Variants in TTC28 observed in about 807,000 individuals in gnomAD.
TTC28 encodes tetratricopeptide repeat protein 28.
TTC28 carries 61 observed loss-of-function variants against 198.0 expected under a neutral mutation model. The ratio of observed to expected loss-of-function variants is 0.31; its 90% CI spans 0.25 to 0.38. TTC28 has a LOEUF of 0.38. Ranked by LOEUF, TTC28 falls within the 10% of genes least tolerant of loss-of-function variation. The probability of loss-of-function intolerance (pLI) is 1.00; values close to 1 mark genes in which losing one functional copy is unlikely to be tolerated. For missense variants in TTC28, 2,678 were observed against 3,164.0 expected (o/e 0.85, Z 3.69); for synonymous variants, 1,171 against 1,297.8 (o/e 0.90, Z 2.10).
At chr22:28,390,495 G>A (rs371686287) in intron 2 of TTC28, among the ~76,000 whole-genome samples, 25 of 152,092 alleles carry the variant, frequency 1.6e-4, no homozygotes, top group South Asian at 4.2e-4. Context: ...TTTGTAGGTC[G>A]CTCAGGACTT....
At chr22:28,229,364 G>T (rs1323841813) in intron 5 of TTC28, among the ~76,000 whole-genome samples, 1 of 152,114 alleles carries the variant, frequency 6.6e-6, no homozygotes, top group Non-Finnish European at 1.5e-5. Context: ...GGGACCAAGT[G>T]AATCAAGAAC....
At chr22:28,377,006 A>G (rs1323744835) in intron 2 of TTC28, among the ~76,000 whole-genome samples, 1 of 152,160 alleles carries the variant, frequency 6.6e-6, no homozygotes, top group Non-Finnish European at 1.5e-5. Context: ...TAAATTCTAA[A>G]GTAAAAACAC....
intron 12 of TTC28, among the ~76,000 whole-genome samples, chr22:28,088,051 T>C (rs946816577): frequency 9.9e-5 from 15 of 152,116 alleles, no homozygotes; most frequent in South Asian, 8.3e-4. Context: ...TGCTCATGGA[T>C]AGGAAGAATC....
intron 22 of TTC28, 56 bp from the exon 23 acceptor site, chr22:27,983,907 TTTTC>T: frequency 6.7e-7 from 1 of 1,487,250 alleles, no homozygotes. Flanking sequence ...TGGTTTTGAT[TTTTC>T]TTTCAAAATT....
In TTC28 at chr22:27,982,943, G is replaced by C. The variant is rs760927930; in HGVS notation, c.6724C>G (p.Leu2242Val). The change falls in exon 23 of 23, where the codon CTG (leucine) becomes GTG (valine). Residue 2242 changes from leucine to valine, a missense_variant. Leu to Val is a conservative substitution (Grantham distance 32). Coordinates refer to ENST00000397906, the MANE Select transcript of TTC28 (RefSeq NM_001145418.2). The surrounding 1 kb of genome is among the most constrained non-coding windows in gnomAD (Gnocchi z 5.2). ...KPKPPARSSS[L>V]PKVSSGYSSP... is the part of the protein sequence containing the mutation. ...CTATATCCGGAACTCACCTTGGGCA[G>C]GGAGGAGCTCCTGGCTGGGGGCTTT... 1.3e-6 allele frequency: 2 copies of C among 1,551,718 alleles called. No individual in the cohort carries two copies. Among genetic ancestry groups the C allele is most frequent in the Admixed American group, 2.0e-5 (1 of 51,012 alleles).
At chr22:28,096,660 G>A (rs557607730) in intron 10 of TTC28, among the ~76,000 whole-genome samples, 58 of 152,134 alleles carry the variant, frequency 3.8e-4, no homozygotes, top group Admixed American at 3.0e-3. Context: ...CGCCACAAAA[G>A]AGCTGATCCA....
At chr22:28,476,590 C>T (rs2048170701) in intron 2 of TTC28, among the ~76,000 whole-genome samples, 1 of 152,138 alleles carries the variant, frequency 6.6e-6, no homozygotes, top group South Asian at 2.1e-4. Flanking sequence ...GGTTCCTAGT[C>T]ATCCCCCACA....
chr22:28,172,250 G>A (rs1262141682), intron 5 of TTC28, among the ~76,000 whole-genome samples: 1 of 152,046 alleles, frequency 6.6e-6, no homozygotes, highest in African/African-American at 2.4e-5. Context: ...ACTTAACTTC[G>A]CTGAGCCTTG....
intron 2 of TTC28, among the ~76,000 whole-genome samples, chr22:28,498,714 G>A (rs1288084511): frequency 6.6e-6 from 1 of 152,120 alleles, no homozygotes; most frequent in African/African-American, 2.4e-5. Flanking sequence ...GGGGCCCAAA[G>A]AGCCCCCAGA....
chr22:28,246,470 T>C (rs1051187054), intron 5 of TTC28, among the ~76,000 whole-genome samples: 2 of 152,244 alleles, frequency 1.3e-5, no homozygotes, highest in African/African-American at 2.4e-5. Flanking sequence ...CTAATCTTAA[T>C]ACTTTTCATG....
At chr22:28,376,521 TA>T (rs1569291119) in intron 2 of TTC28, among the ~76,000 whole-genome samples, 2 of 151,944 alleles carry the variant, frequency 1.3e-5, no homozygotes, top group Non-Finnish European at 2.9e-5. Flanking sequence ...TAAACAACTA[TA>T]AAATTCAGGA....
chr22:28,237,717 T>C (rs1400604854), intron 5 of TTC28, among the ~76,000 whole-genome samples: 2 of 152,220 alleles, frequency 1.3e-5, no homozygotes, highest in African/African-American at 4.8e-5. Flanking sequence ...GCCTCCCTTC[T>C]TTCCTTTGTA....
chr22:28,453,712 C>T (rs1324329624), intron 2 of TTC28, among the ~76,000 whole-genome samples: 1 of 152,184 alleles, frequency 6.6e-6, no homozygotes, highest in East Asian at 1.9e-4. Flanking sequence ...ATCATCTCTA[C>T]CCTTTCTCTT....
intron 12 of TTC28, 100 bp downstream of exon 12, chr22:28,093,980 A>G: frequency 1.5e-6 from 2 of 1,301,984 alleles, no homozygotes; most frequent in Non-Finnish European, 2.1e-6. Context: ...AACTACATGA[A>G]TTCCAAAAGA....
intron 5 of TTC28, among the ~76,000 whole-genome samples, chr22:28,177,442 T>G (rs1454204091): frequency 6.6e-6 from 1 of 152,176 alleles, no homozygotes; most frequent in African/African-American, 2.4e-5. Context: ...TGGAAGACAG[T>G]TGGGCAATTT....
chr22:28,320,146 A>G (rs1166601374), intron 2 of TTC28, among the ~76,000 whole-genome samples: 2 of 152,132 alleles, frequency 1.3e-5, no homozygotes, highest in Non-Finnish European at 2.9e-5. Context: ...ACCAGGCTAC[A>G]TGCATAAAAG....
intron 5 of TTC28, among the ~76,000 whole-genome samples, chr22:28,218,957 T>TAA (rs879910239): frequency 1.3e-3 from 166 of 128,084 alleles, no homozygotes; most frequent in African/African-American, 4.4e-3. Context: ...ACCAACACAG[T>TAA]AAAAAAAAAA....
intron 5 of TTC28, among the ~76,000 whole-genome samples, chr22:28,165,259 G>T (rs533584867): frequency 1.2e-3 from 181 of 152,286 alleles, no homozygotes; most frequent in African/African-American, 4.0e-3. Flanking sequence ...ACTCTGCAGG[G>T]TATTATCCAG....
intron 1 of TTC28, among the ~76,000 whole-genome samples, chr22:28,679,274 T>C (rs2052051956): frequency 6.6e-6 from 1 of 152,160 alleles, no homozygotes; most frequent in Non-Finnish European, 1.5e-5. Flanking sequence ...ACCGCTCCGG[T>C]GGACTCCAGT....
Sources: allele counts gnomAD v4.1 joint callset (sites outside exome capture counted in the v4.1 genomes callset), GRCh38; gene constraint gnomAD v4.1.1; non-coding constraint Gnocchi (gnomAD v3.1); transcripts MANE v1.5; gene names NCBI Gene and HGNC (gene_info 2026-07-23, HGNC 2026-07-21).